SNAP25: variants seen among roughly 807,000 people sequenced by gnomAD.
SNAP25 encodes synaptosome associated protein 25, also known as synaptosomal-associated protein 25.
In SNAP25, 3 loss-of-function variants were observed where a neutral mutation model predicts 28.7. The ratio of observed to expected loss-of-function variants is 0.10; its 90% CI spans 0.05 to 0.27. The LOEUF (loss-of-function observed/expected upper bound fraction) is 0.27. Among genes scored for constraint, SNAP25 ranks in the 10% least tolerant of loss-of-function variants. The pLI, the probability that SNAP25 is intolerant of heterozygous loss-of-function variation, is 1.00. For missense variants in SNAP25, 117 were observed against 278.7 expected (o/e 0.42, Z 4.13); for synonymous variants, 61 against 88.1 (o/e 0.69, Z 1.72).
At chr20:10,239,747 C>A (rs1158512724) in intron 1 of SNAP25, among the ~76,000 whole-genome samples, 1 of 152,114 alleles carries the variant, frequency 6.6e-6, no homozygotes, top group Non-Finnish European at 1.5e-5. Context: ...AGTGGGGTGG[C>A]CATCCCTGGA....
intron 1 of SNAP25, among the ~76,000 whole-genome samples, chr20:10,259,575 C>T (rs1289041076): frequency 6.6e-6 from 1 of 151,824 alleles, no homozygotes; most frequent in Non-Finnish European, 1.5e-5. Flanking sequence ...GTCTCATTCT[C>T]TTGCCCAGGC....
At chr20:10,289,583 G>A (rs1433848543) in intron 4 of SNAP25, among the ~76,000 whole-genome samples, 1 of 151,206 alleles carries the variant, frequency 6.6e-6, no homozygotes, top group African/African-American at 2.4e-5. Context: ...AATGACTAAG[G>A]CTGTACTTAG....
Position 10,275,537 on chromosome 20 carries a change from C to T in SNAP25, c.46C>T (p.Arg16Ter). The T allele has an allele frequency of 1.9e-6, 3 of 1,602,982 alleles. No homozygotes were observed. The highest frequency in any genetic ancestry group is 1.7e-6 in the Non-Finnish European group (2 of 1,173,908). Reference protein sequence around the residue: ...DMRNELEEMQRRADQLADESL... With the variant: ...DMRNELEEMQ ...GCGCAATGAGCTGGAGGAGATGCAG[C>T]GAAGGGCTGACCAGTTGGCTGATGA... Residue 16 changes from arginine to a stop codon, truncating the protein, a stop_gained, in exon 2 of 8, where the codon CGA becomes TGA. Transcript: ENST00000254976. LOFTEE classifies it high-confidence loss of function.
intron 1 of SNAP25, among the ~76,000 whole-genome samples, chr20:10,230,900 G>A (rs1014310807): frequency 6.6e-6 from 1 of 152,146 alleles, no homozygotes; most frequent in East Asian, 1.9e-4. Flanking sequence ...GAGGACAAGT[G>A]TGTGGGATGG....
At chr20:10,283,429 C>A (rs2063814943) in intron 3 of SNAP25, among the ~76,000 whole-genome samples, 1 of 152,172 alleles carries the variant, frequency 6.6e-6, no homozygotes, top group South Asian at 2.1e-4. Flanking sequence ...CTGAGGCCAC[C>A]CTGGGCCAGC....
At chr20:10,301,640 T>C (rs1295798219) in intron 7 of SNAP25, among the ~76,000 whole-genome samples, 1 of 152,004 alleles carries the variant, frequency 6.6e-6, no homozygotes, top group Non-Finnish European at 1.5e-5. Flanking sequence ...GTTTCTCTCA[T>C]AATCTCTCAT....
At position 10,227,589 on chromosome 20, in the gene SNAP25, A is replaced by G. The variant is rs1312297418; in HGVS notation, c.-64+8612A>G. Reference sequence around the variant, plus strand: ...GTTTACCCTAACTAGCTGCCAAACTATGGCAAATGGTATAATATTCTAATC... The same window carrying G: ...GTTTACCCTAACTAGCTGCCAAACTGTGGCAAATGGTATAATATTCTAATC... On this transcript the variant is annotated intron_variant, in intron 1 of 7. Coordinates refer to ENST00000254976, the MANE Select transcript of SNAP25 (RefSeq NM_130811.4). Among the ~76,000 whole-genome samples, 18 of 152,150 alleles carry G rather than the reference A, an allele frequency of 1.2e-4. No individual in the cohort carries two copies. In the South Asian group the frequency reaches 2.5e-3, roughly 21 times the overall value.
chr20:10,271,912 T>C (rs570043099), intron 1 of SNAP25, among the ~76,000 whole-genome samples: 94 of 151,684 alleles, frequency 6.2e-4, no homozygotes, highest in African/African-American at 2.2e-3. Context: ...GATACACATT[T>C]CCCCCCCAGG....
intron 4 of SNAP25, among the ~76,000 whole-genome samples, chr20:10,287,560 A>G (rs13044888): frequency 0.46 from 48,014 of 105,524 alleles, 12,756 homozygotes; most frequent in African/African-American, 0.64. Flanking sequence ...CACTGTTGGT[A>G]GGACTGTAAA....
intron 1 of SNAP25, among the ~76,000 whole-genome samples, chr20:10,252,241 A>G (rs1413450137): frequency 2.6e-5 from 4 of 152,236 alleles, no homozygotes; most frequent in Non-Finnish European, 5.9e-5. Context: ...TTAGTGAGAA[A>G]ACCAGTAGGC....
intron 7 of SNAP25, among the ~76,000 whole-genome samples, chr20:10,301,858 CTA>C (rs201560396): frequency 0.016 from 2,274 of 142,000 alleles, 53 homozygotes; most frequent in African/African-American, 0.056. Flanking sequence ...AAATAAATAA[CTA>C]TATATATTAT....
rs911233849 is a variant in SNAP25 at position 10,227,029 on chromosome 20, G to A, written c.-64+8052G>A. ...TGCAAGAATAGGTTGACTAAGAAAG[G>A]ATCCTTTGGATGAGAGTACTTCCCA... On this transcript the variant is annotated intron_variant, in intron 1 of 7. Coordinates refer to ENST00000254976, the MANE Select transcript of SNAP25 (RefSeq NM_130811.4). Among the ~76,000 whole-genome samples the A allele has an allele frequency of 2.6e-5, 4 of 152,054 alleles. No individual in the cohort carries two copies. In the South Asian group the frequency reaches 8.3e-4, roughly 32 times the overall value.
intron 1 of SNAP25, among the ~76,000 whole-genome samples, chr20:10,270,329 AAGGTCCT>A (rs566401655): frequency 2.3e-4 from 35 of 152,280 alleles, no homozygotes; most frequent in African/African-American, 7.0e-4. Context: ...TCCAAGAGAG[AAGGTCCT>A]ACAGACCAGA....
intron 2 of SNAP25, 97 bp from the exon 3 acceptor site, chr20:10,277,588 C>T (rs1302642850): frequency 2.0e-6 from 2 of 1,023,682 alleles, no homozygotes; most frequent in Non-Finnish European, 1.5e-6. Context: ...GACAGAGACC[C>T]TTTGTGTTTC....
At chr20:10,260,444 TA>T (rs2063390570) in intron 1 of SNAP25, among the ~76,000 whole-genome samples, 1 of 151,748 alleles carries the variant, frequency 6.6e-6, no homozygotes, top group South Asian at 2.1e-4. Flanking sequence ...CAGATCAGAT[TA>T]AAACAAACAA....
intron 1 of SNAP25, among the ~76,000 whole-genome samples, chr20:10,221,604 CA>C (rs2062635935): frequency 6.6e-6 from 1 of 152,334 alleles, no homozygotes; most frequent in East Asian, 1.9e-4. Flanking sequence ...AATTACAGAA[CA>C]ATTTACAATC....
At chr20:10,274,764 A>AC (rs1364217080) in intron 1 of SNAP25, among the ~76,000 whole-genome samples, 9 of 151,918 alleles carry the variant, frequency 5.9e-5, no homozygotes, top group African/African-American at 2.2e-4. Context: ...AATGGCGTGA[A>AC]CCCGGGAGGC....
At chr20:10,275,278 A>G (rs993443046) in intron 1 of SNAP25, among the ~76,000 whole-genome samples, 151 bp from the exon 2 acceptor site, 1 of 152,210 alleles carries the variant, frequency 6.6e-6, no homozygotes, top group African/African-American at 2.4e-5. Context: ...GAGAAACAGC[A>G]CAATTCTGTT....
chr20:10,275,855 A>G (rs562612902), intron 2 of SNAP25, among the ~76,000 whole-genome samples: 1 of 152,328 alleles, frequency 6.6e-6, no homozygotes, highest in South Asian at 2.1e-4. Flanking sequence ...ATTCAGTGCT[A>G]TGCTGGAGAA....
Sources: gnomAD v4.1 joint callset for allele counts (sites outside exome capture counted in the v4.1 genomes callset) on GRCh38, gnomAD v4.1.1 for gene constraint, MANE v1.5 for transcripts, NCBI Gene and HGNC (gene_info 2026-07-23, HGNC 2026-07-21) for gene names.